TXLNG: variants seen among roughly 807,000 people sequenced by gnomAD.
TXLNG encodes the protein taxilin gamma.
Under a neutral mutation model 38.8 loss-of-function variants are expected in TXLNG, and 5 were observed. The ratio of observed to expected loss-of-function variants is 0.13; its 90% CI spans 0.07 to 0.27. The LOEUF (loss-of-function observed/expected upper bound fraction) is 0.27, where lower values mean the gene tolerates loss of function less well. TXLNG is among the 10% of genes least tolerant of loss of function. The pLI is 1.00. For missense variants in TXLNG, 393 were observed against 398.2 expected, an observed-to-expected ratio of 0.99 and a Z score of 0.11; for synonymous variants, 182 against 158.2, an observed-to-expected ratio of 1.15 and a Z score of -1.13.
intron 3 of TXLNG, 59 bp from the exon 4 acceptor site, chrX:16,828,035 A>T: frequency 2.8e-6 from 3 of 1,063,066 alleles, no homozygotes; most frequent in Non-Finnish European, 3.8e-6. Flanking sequence ...TTATAATTCT[A>T]GCCATAACTG....
intron 1 of TXLNG, among the ~76,000 whole-genome samples, chrX:16,801,950 CTTTTTTTTTTTTT>C (rs56071399): frequency 2.2e-5 from 1 of 45,260 alleles, no homozygotes; most frequent in South Asian, 1.3e-3. Context: ...TTCTTTCTTT[CTTTTTTTTTTTTT>C]TTTTTTTTGA....
chrX:16,821,726 C>T (rs746170793), intron 3 of TXLNG, among the ~76,000 whole-genome samples: 51 of 111,552 alleles, frequency 4.6e-4, no homozygotes, highest in Admixed American at 3.5e-3. Context: ...CGCGGTGGCT[C>T]ACGCCTGTAA....
intron 1 of TXLNG, among the ~76,000 whole-genome samples, chrX:16,789,915 C>T (rs937345472): frequency 9.1e-6 from 1 of 109,813 alleles, no homozygotes; most frequent in African/African-American, 3.3e-5. Context: ...CTGCCTCAGC[C>T]TCCCAAGTAG....
chrX:16,829,528 C>G (rs1929299477), intron 4 of TXLNG, 48 bp from the exon 5 acceptor site: 1 of 1,125,761 alleles, frequency 8.9e-7, no homozygotes, highest in African/African-American at 1.8e-5. Flanking sequence ...TTGTGAGCAT[C>G]TTCTCTATAG....
intron 3 of TXLNG, among the ~76,000 whole-genome samples, chrX:16,826,673 C>G (rs1385825241): frequency 9.0e-6 from 1 of 111,722 alleles, no homozygotes; most frequent in Non-Finnish European, 1.9e-5. Context: ...TGGCTCATGC[C>G]TGTATTCTCA....
At chrX:16,837,336 TCAC>T (rs1929630930) in intron 7 of TXLNG, among the ~76,000 whole-genome samples, 1 of 112,023 alleles carries the variant, frequency 8.9e-6, no homozygotes, top group African/African-American at 3.2e-5. Context: ...ACGTTTATAG[TCAC>T]CACATCCTTC....
Position 16,834,366 on chromosome X carries a change from A to G in TXLNG, c.1059+9A>G, listed in dbSNP as rs1379051369. ...TACAACTAAAACAGCAGGTAACTTCACAGCAGGGGATAGTACAATTTGTAA... is the reference window on the plus strand; with the variant it reads ...TACAACTAAAACAGCAGGTAACTTCGCAGCAGGGGATAGTACAATTTGTAA... On this transcript the variant is annotated intron_variant, in intron 7 of 9. Transcript: ENST00000380122. 3.4e-6 allele frequency: 4 copies of G among 1,188,991 alleles called. No individual in the cohort carries two copies. In the African/African-American group the frequency reaches 7.0e-5, roughly 21 times the overall value.
intron 7 of TXLNG, among the ~76,000 whole-genome samples, chrX:16,836,231 C>T (rs936763621): frequency 2.7e-5 from 3 of 112,140 alleles, no homozygotes; most frequent in African/African-American, 9.7e-5. Flanking sequence ...CACTGCACTC[C>T]AGCCTGAGCG....
intron 1 of TXLNG, among the ~76,000 whole-genome samples, chrX:16,814,498 C>T (rs1928659089): frequency 8.9e-6 from 1 of 111,733 alleles, no homozygotes; most frequent in Admixed American, 9.5e-5. Context: ...GCCCGTAATC[C>T]CAGCTACTTG....
At chrX:16,833,707 GA>G (rs761111498) in intron 6 of TXLNG, among the ~76,000 whole-genome samples, 1 of 111,536 alleles carries the variant, frequency 9.0e-6, no homozygotes, top group East Asian at 2.8e-4. Context: ...GGCTTCTTTG[GA>G]CTATGTGTGA....
intron 1 of TXLNG, among the ~76,000 whole-genome samples, chrX:16,792,884 G>A (rs1414384041): frequency 9.1e-6 from 1 of 110,391 alleles, no homozygotes; most frequent in African/African-American, 3.3e-5. Context: ...ATCACCTGAG[G>A]TCAGGAGTTC....
chrX:16,805,207 T>G (rs1928293781), intron 1 of TXLNG, among the ~76,000 whole-genome samples: 1 of 108,440 alleles, frequency 9.2e-6, no homozygotes, highest in Non-Finnish European at 1.9e-5. Flanking sequence ...AGTCTTGAAC[T>G]CATGAGCTCA....
intron 3 of TXLNG, among the ~76,000 whole-genome samples, chrX:16,826,821 A>G (rs1425035313): frequency 9.1e-6 from 1 of 110,475 alleles, no homozygotes; most frequent in East Asian, 2.9e-4. Context: ...AATCCCAGCT[A>G]CTTGGGAGGC....
At chrX:16,825,995 A>G (rs772820518) in intron 3 of TXLNG, among the ~76,000 whole-genome samples, 15 of 112,348 alleles carry the variant, frequency 1.3e-4, no homozygotes, top group Non-Finnish European at 2.6e-4. Flanking sequence ...GAAAATTTCA[A>G]TTCCTCATTT....
intron 1 of TXLNG, among the ~76,000 whole-genome samples, chrX:16,816,274 G>T: frequency 9.0e-6 from 1 of 111,237 alleles, no homozygotes; most frequent in Non-Finnish European, 1.9e-5. Flanking sequence ...GGGATTACAG[G>T]CATGAGCCAC....
At chrX:16,839,583 T>C (rs1441763724) in intron 8 of TXLNG, among the ~76,000 whole-genome samples, 1 of 111,521 alleles carries the variant, frequency 9.0e-6, no homozygotes, top group Non-Finnish European at 1.9e-5. Flanking sequence ...GAGATTAAAT[T>C]TGTTTTTCTC....
At chrX:16,832,370 T>C (rs1929442257) in intron 5 of TXLNG, among the ~76,000 whole-genome samples, 1 of 112,539 alleles carries the variant, frequency 8.9e-6, no homozygotes, top group Admixed American at 9.4e-5. Flanking sequence ...ACAGCCCATG[T>C]CTGACAGGGT....
At chrX:16,815,975 T>C (rs1928726206) in intron 1 of TXLNG, among the ~76,000 whole-genome samples, 1 of 111,602 alleles carries the variant, frequency 9.0e-6, no homozygotes. Context: ...AACTAGTAGT[T>C]ACATGTGAAA....
intron 8 of TXLNG, among the ~76,000 whole-genome samples, chrX:16,837,902 A>G (rs1929650503): frequency 9.0e-6 from 1 of 111,244 alleles, no homozygotes; most frequent in Non-Finnish European, 1.9e-5. Context: ...TTATAGTGAA[A>G]TCCTATATTA....
Sources: allele counts gnomAD v4.1 joint callset (sites outside exome capture counted in the v4.1 genomes callset), GRCh38; gene constraint gnomAD v4.1.1; transcripts MANE v1.5; gene names NCBI Gene and HGNC (gene_info 2026-07-23, HGNC 2026-07-21).